Variants in FMNL1 observed in about 807,000 individuals in gnomAD.
FMNL1 encodes the protein formin like 1, also known as formin-like protein 1.
A neutral mutation model predicts 121.3 loss-of-function variants in FMNL1; 43 were observed. That is an observed-to-expected ratio of 0.35 (90% CI 0.28 to 0.46). The LOEUF is 0.46. Ranked by LOEUF, FMNL1 falls within the 20% of genes least tolerant of loss-of-function variation. FMNL1 has a pLI of 1.00. For synonymous variants in FMNL1, 613 were observed against 613.5 expected (o/e 1.00, Z 0.01); for missense variants, 1,191 against 1,482.4 (o/e 0.80, Z 3.23).
chr17:45,242,727 C>G (rs1224265167), intron 16 of FMNL1, among the ~76,000 whole-genome samples: 1 of 152,252 alleles, frequency 6.6e-6, no homozygotes, highest in East Asian at 1.9e-4. Context: ...TCTTTCCTTC[C>G]ACTTTCCCAC....
Position 45,229,179 on chromosome 17 carries a change from G to A in FMNL1, c.130-1425G>A, listed in dbSNP as rs574787528. ...TTTCGCAATAGGGGAGAGGAATGAC[G>A]TATTCCACCCCCTTCAGCCGCTGGG... is the stretch of plus-strand genomic sequence containing the variant. On this transcript the variant is annotated intron_variant, in intron 1 of 26. Transcript: ENST00000331495. Among the ~76,000 whole-genome samples, 52 of 152,218 alleles carry A rather than the reference G, an allele frequency of 3.4e-4. 1 individual carries two copies. Among genetic ancestry groups the A allele is most frequent in the East Asian group, 1.5e-3 (8 of 5,162 alleles).
At chr17:45,223,332 T>G (rs983025050) in intron 1 of FMNL1, among the ~76,000 whole-genome samples, 3 of 152,188 alleles carry the variant, frequency 2.0e-5, no homozygotes, top group Non-Finnish European at 4.4e-5. Flanking sequence ...TCCATCTCCT[T>G]GACATCATTT....
At chr17:45,235,038 C>A (rs1310046593) in intron 6 of FMNL1, among the ~76,000 whole-genome samples, 1 of 152,238 alleles carries the variant, frequency 6.6e-6, no homozygotes, top group Non-Finnish European at 1.5e-5. Flanking sequence ...TCTTGTGAAT[C>A]CCTAGCTTCC....
In FMNL1 at chr17:45,233,499, G is replaced by A. The variant is rs1341431425; in HGVS notation, c.402-149G>A. ...ACCTTGAGGCATGGCTGGGCTGTGG[G>A]ACCCACCTGAGTCTCCCAGAATCCT... On this transcript the variant is annotated intron_variant, in intron 4 of 26. Transcript: ENST00000331495. This position sits in a 1 kb window ranked among gnomAD's most constrained non-coding sequence, Gnocchi z 4.1. 2 of 1,035,920 alleles carry A rather than the reference G, an allele frequency of 1.9e-6. No homozygotes were observed. The highest frequency in any genetic ancestry group is 3.2e-5 in the African/African-American group (2 of 62,394). The allele number at this position is 1,035,920 out of a possible 1,614,324, so 64.2% of individuals were successfully genotyped here. A position where few individuals can be genotyped will look rare whatever the true frequency, so the allele number is the denominator to read the frequency against.
rs779041170 is a variant in FMNL1 at position 45,232,492 on chromosome 17, C to T, written c.327+12C>T. 1.4e-5 allele frequency: 22 copies of T among 1,612,078 alleles called. No homozygotes were observed. The highest frequency in any genetic ancestry group is 1.7e-4 in the Middle Eastern group (1 of 6,056). On this transcript the variant is annotated intron_variant, in intron 3 of 26. Transcript: ENST00000331495. ...TGTCCAACCTGGGGGTACATGTCTC[C>T]CCTCTTTACTCTGTCCCTTTCCCCC...
Position 45,237,042 on chromosome 17 carries a change from C to T in FMNL1, c.724-239C>T, listed in dbSNP as rs557664184. Among the ~76,000 whole-genome samples, 18 of 152,214 alleles carry T rather than the reference C, an allele frequency of 1.2e-4. No individual in the cohort carries two copies. Among genetic ancestry groups the T allele is most frequent in the South Asian group, 1.0e-3 (5 of 4,818 alleles). On this transcript the variant is annotated intron_variant, in intron 7 of 26. Transcript: ENST00000331495. The surrounding 1 kb of genome is among the most constrained non-coding windows in gnomAD (Gnocchi z 4.4). The stretch of plus-strand genomic sequence containing the variant: ...CTGAGTCAGGAGAATCACTTGAACC[C>T]GGGAGGCAGAGACTGCGGTGAGCTG...
In FMNL1 at chr17:45,238,990, T is replaced by C; in HGVS notation, c.1005T>C (p.His335=). ...ACMQFINIVV[H]SVENMNFRVF... Reference sequence around the variant, plus strand: ...TGCAGTTCATCAACATTGTGGTACATTCGGTGGAGAACATGAACTTCCGTG... The same window carrying C: ...TGCAGTTCATCAACATTGTGGTACACTCGGTGGAGAACATGAACTTCCGTG... The change falls in exon 11 of 27, where the codon CAT becomes CAC. Residue 335 remains histidine (H), a synonymous_variant. Transcript: ENST00000331495. 6.2e-7 allele frequency: 1 copy of C among 1,614,186 alleles called. No homozygotes were observed. Among genetic ancestry groups the C allele is most frequent in the African/African-American group, 1.3e-5 (1 of 75,050 alleles).
chr17:45,235,109 G>A (rs1187253915), intron 6 of FMNL1, among the ~76,000 whole-genome samples: 1 of 152,246 alleles, frequency 6.6e-6, no homozygotes, highest in Non-Finnish European at 1.5e-5. Context: ...TATGTTATTT[G>A]TCCATTCATG....
At chr17:45,240,849 C>G (rs1598204260) in intron 12 of FMNL1, 2 of 748,740 alleles carry the variant, frequency 2.7e-6, no homozygotes, top group East Asian at 5.4e-5. Context: ...GGCCCCTCCT[C>G]TACCCAGGCT....
rs2043283803 is a variant in FMNL1, at chr17:45,224,068, TGCCTAGCAGAAATTTAGGGTA to T, written c.129+1818_129+1838del. Among the ~76,000 whole-genome samples the T allele has an allele frequency of 1.3e-5, 2 of 151,716 alleles. 1 individual carries two copies. Among genetic ancestry groups the T allele is most frequent in the South Asian group, 4.2e-4 (2 of 4,808 alleles). On this transcript the variant is annotated intron_variant, in intron 1 of 26. Transcript: ENST00000331495. ...GGTGTGCTGGTGGAGAAAGTGGAGG[TGCCTAGCAGAAATTTAGGGTA>T]GCAGCACCCACCAGGGCTTACCCCC...
At chr17:45,243,078 C>T in intron 16 of FMNL1, 40 bp from the exon 17 acceptor site, 1 of 1,608,634 alleles carries the variant, frequency 6.2e-7, no homozygotes, top group South Asian at 1.1e-5. Flanking sequence ...TGCCAGACCC[C>T]AGCCCCACCC....
At chr17:45,245,535 ACCCT>A in intron 22 of FMNL1, 93 bp from the exon 23 acceptor site, 1 of 1,601,836 alleles carries the variant, frequency 6.2e-7, no homozygotes. Context: ...ATGAGGGGCC[ACCCT>A]GCCTGGGAGG....
chr17:45,244,048 G>A (rs951819680), intron 18 of FMNL1, 23 bp downstream of exon 18: 13 of 1,600,012 alleles, frequency 8.1e-6, no homozygotes, highest in African/African-American at 6.7e-5. Flanking sequence ...CGGGCAGGGC[G>A]GTGTGACTTG....
Position 45,222,201 on chromosome 17 carries a change from A to G in FMNL1, c.77A>G (p.Lys26Arg), listed in dbSNP as rs1176288708. Residue 26 changes from lysine (K) to arginine (R), a missense_variant, in exon 1 of 27, where the codon AAG becomes AGG. By Grantham distance (26) the Lys-to-Arg change is conservative (BLOSUM62 2). Coordinates refer to ENST00000331495, the MANE Select transcript of FMNL1 (RefSeq NM_005892.4). ...CCCCCCAAGCAGCCCGCGCCTCCCA[A>G]GCAGCCGATGCCCGCGGCCGGAGAG... is the stretch of plus-strand genomic sequence containing the variant. ...APPPKQPAPP[K>R]QPMPAAGELE... 7.3e-5 allele frequency: 92 copies of G among 1,255,124 alleles called. No individual in the cohort carries two copies. Among genetic ancestry groups the G allele is most frequent in the Non-Finnish European group, 9.0e-5 (90 of 995,092 alleles). The allele number at this position is 1,255,124 out of a possible 1,614,324, so 77.7% of individuals were successfully genotyped here.
rs1453413599 is a variant in FMNL1 at position 45,243,229 on chromosome 17, A to T, written c.2122A>T (p.Thr708Ser). The T allele has an allele frequency of 6.2e-7, 1 of 1,614,196 alleles. No individual in the cohort carries two copies. Among genetic ancestry groups the T allele is most frequent in the Non-Finnish European group, 8.5e-7 (1 of 1,180,030 alleles). Residue 708 changes from threonine (T) to serine (S), a missense_variant, in exon 17 of 27, where the codon ACA becomes TCA. Around this residue, in one of 4 missense-constraint regions of FMNL1, gnomAD observed 519 missense variants for 492.8 expected, o/e 1.05. Transcript: ENST00000331495. The part of the protein sequence containing the change: ...KAAQKAPSKA[T>S]LIEANRAKNL... The stretch of plus-strand genomic sequence containing the variant: ...AGCCCAGAAGGCCCCCAGCAAGGCG[A>T]CACTCATTGAGGCCAACCGGGCCAA...
At position 45,233,169 on chromosome 17, in the gene FMNL1, G is replaced by A. The variant is rs771071793; in HGVS notation, c.328-55G>A. On this transcript the variant is annotated intron_variant, in intron 3 of 26. Transcript: ENST00000331495. The surrounding 1 kb of genome is among the most constrained non-coding windows in gnomAD (Gnocchi z 4.1). ...GCTGCCTGCTGCCTCAGGACTTGGT[G>A]GGCCTGTGGGAGGCCGGGCTCCACC... 82 of 1,531,128 alleles carry A rather than the reference G, an allele frequency of 5.4e-5. No homozygotes were observed. Among genetic ancestry groups the A allele is most frequent in the Middle Eastern group, 1.7e-4 (1 of 5,864 alleles). 94.8% of individuals were successfully genotyped at this position (1,531,128 alleles called of 1,614,324 possible).
chr17:45,231,689 T>TG lies in FMNL1; in HGVS notation c.214-672dup, dbSNP rs1451976518. ...GTGGCCGCTGGAGCCTGCAGTGGGG[T>TG]GGGGGGATTAGGAATTGCATCACTG... On this transcript the variant is annotated intron_variant, in intron 2 of 26. Transcript: ENST00000331495. The surrounding 1 kb of genome is among the most constrained non-coding windows in gnomAD (Gnocchi z 4.7). 6.6e-6 allele frequency among the ~76,000 whole-genome samples: 1 copy of TG among 151,396 alleles called. No individual in the cohort carries two copies. Among genetic ancestry groups the TG allele is most frequent in the Non-Finnish European group, 1.5e-5 (1 of 67,824 alleles).
chr17:45,222,920 C>G (rs559341076), intron 1 of FMNL1, among the ~76,000 whole-genome samples: 8 of 152,282 alleles, frequency 5.3e-5, no homozygotes, highest in East Asian at 1.9e-4. Flanking sequence ...GAACCACCCC[C>G]CTCTGTGCCT....
rs1326600200 is a variant in FMNL1 at position 45,233,100 on chromosome 17, G to A, written c.328-124G>A. ...GTGTGTGGAGGTGGTGGGGGAGGCT[G>A]AGCATGAAAGGCCACTTGTGCCAGT... On this transcript the variant is annotated intron_variant, in intron 3 of 26. Transcript: ENST00000331495. The surrounding 1 kb of genome is among the most constrained non-coding windows in gnomAD (Gnocchi z 4.1). The A allele has an allele frequency of 2.2e-6, 2 of 890,616 alleles. No homozygotes were observed. Among genetic ancestry groups the A allele is most frequent in the African/African-American group, 1.7e-5 (1 of 60,474 alleles). 55.2% of individuals were successfully genotyped at this position (890,616 alleles called of 1,614,324 possible). A position where few individuals can be genotyped will look rare whatever the true frequency, so the allele number is the denominator to read the frequency against.
Sources: allele counts gnomAD v4.1 joint callset (sites outside exome capture counted in the v4.1 genomes callset), GRCh38; gene constraint gnomAD v4.1.1; regional missense constraint gnomAD v4.1.1; non-coding constraint Gnocchi (gnomAD v3.1); transcripts MANE v1.5; gene names NCBI Gene and HGNC (gene_info 2026-07-23, HGNC 2026-07-21).